Variants in CCR7 observed in about 807,000 individuals in gnomAD.
The protein encoded by CCR7 is C-C motif chemokine receptor 7.
CCR7 carries 11 observed loss-of-function variants against 26.0 expected under a neutral mutation model. That is an observed-to-expected ratio of 0.42 (90% confidence interval 0.27 to 0.70). The LOEUF is 0.70. Among genes scored for constraint, CCR7 ranks in the 30% least tolerant of loss-of-function variants. The probability of loss-of-function intolerance (pLI) is 0.23; values close to 1 mark genes in which losing one functional copy is unlikely to be tolerated. For synonymous variants in CCR7, 189 were observed against 202.1 expected (o/e 0.94, Z 0.55); for missense variants, 360 against 504.0 (o/e 0.71, Z 2.74).
At chr17:40,560,533 G>C (rs1268405752) in intron 1 of CCR7, 1 of 152,264 alleles carries the variant, frequency 6.6e-6, no homozygotes, top group Non-Finnish European at 1.5e-5. Flanking sequence ...CAGGGATTCT[G>C]GGCTTGGGAG....
chr17:40,560,283 G>C (rs1382540737), intron 1 of CCR7, among the ~76,000 whole-genome samples: 1 of 152,216 alleles, frequency 6.6e-6, no homozygotes, highest in African/African-American at 2.4e-5. Flanking sequence ...GTAGGGCCTG[G>C]CCCACTGGAG....
intron 1 of CCR7, chr17:40,561,144 G>T (rs2036651583): frequency 6.6e-6 from 1 of 152,248 alleles, no homozygotes; most frequent in Non-Finnish European, 1.5e-5. Context: ...GATCTGAGGA[G>T]CAAGAACTGT....
intron 1 of CCR7, among the ~76,000 whole-genome samples, chr17:40,563,805 T>C (rs1200841958): frequency 1.3e-5 from 2 of 152,068 alleles, no homozygotes; most frequent in Admixed American, 1.3e-4. Context: ...CTAAACCTAG[T>C]CTGGGGTAAG....
chr17:40,557,297 G>A (rs1008449168), intron 2 of CCR7, among the ~76,000 whole-genome samples: 1 of 152,232 alleles, frequency 6.6e-6, no homozygotes, highest in East Asian at 1.9e-4. Context: ...GCAGGGAGCT[G>A]GGCTGGAGGA....
chr17:40,561,367 T>C (rs2036653833), intron 1 of CCR7, among the ~76,000 whole-genome samples: 1 of 152,182 alleles, frequency 6.6e-6, no homozygotes, highest in Non-Finnish European at 1.5e-5. Context: ...GGAACTCTTG[T>C]ATGTGGCAAA....
chr17:40,564,926 A>G (rs1363671317), intron 1 of CCR7, among the ~76,000 whole-genome samples: 1 of 152,182 alleles, frequency 6.6e-6, no homozygotes. Flanking sequence ...CATGACCCCA[A>G]GTGGACAGGT....
rs368660693 is a variant in CCR7, at chr17:40,554,725, C to A, written c.*17G>T. 1.0e-4 allele frequency: 157 copies of A among 1,577,196 alleles called. 1 individual carries two copies. The highest frequency in any genetic ancestry group is 1.3e-4 in the Non-Finnish European group (147 of 1,158,294). ...GGACCCTGGGAGAGGTCCCTCTAGT[C>A]CAGGCAGAAGAGTCGCCTATGGGGA... On this transcript the variant is annotated 3_prime_UTR_variant, in exon 3 of 3. Coordinates refer to ENST00000246657, the MANE Select transcript of CCR7 (RefSeq NM_001838.4).
chr17:40,560,771 A>G (rs1405660764), intron 1 of CCR7: 1 of 152,114 alleles, frequency 6.6e-6, no homozygotes. Flanking sequence ...GTCCACTCAA[A>G]GAGGGCTTCC....
rs1597722416 is a variant in CCR7 at position 40,555,782 on chromosome 17, T to C, written c.97A>G (p.Ile33Val). The part of the protein sequence containing the change: ...LCQDEVTDDY[I>V]GDNTTVDYTL... ...TAGTCCACTGTGGTGTTGTCTCCGA[T>C]GTAATCGTCCGTGACCTCATCTTGA... The change falls in exon 3 of 3, where the codon ATC (isoleucine) becomes GTC (valine). Residue 33 changes from isoleucine (I) to valine (V), a missense_variant. By Grantham distance (29) the Ile-to-Val change is conservative. Coordinates refer to ENST00000246657, the MANE Select transcript of CCR7 (RefSeq NM_001838.4). This position sits in a 1 kb window ranked among gnomAD's most constrained non-coding sequence, Gnocchi z 5.6. The C allele has an allele frequency of 3.1e-6, 5 of 1,614,128 alleles. No individual in the cohort carries two copies. The highest frequency in any genetic ancestry group is 4.2e-6 in the Non-Finnish European group (5 of 1,179,996).
In CCR7 at chr17:40,555,043, T is replaced by A; in HGVS notation, c.836A>T (p.Tyr279Phe). 1 of 1,614,148 alleles carries A rather than the reference T, an allele frequency of 6.2e-7. No homozygotes were observed. Among genetic ancestry groups the A allele is most frequent in the East Asian group, 2.2e-5 (1 of 44,878 alleles). The change falls in exon 3 of 3, where the codon TAC becomes TTC. Residue 279 changes from tyrosine (Y) to phenylalanine (F), a missense_variant. Transcript: ENST00000246657. The surrounding 1 kb of genome is among the most constrained non-coding windows in gnomAD (Gnocchi z 5.6). ...VVVFIVFQLPYNGVVLAQTVA... is the reference protein window; with the variant it reads ...VVVFIVFQLPFNGVVLAQTVA... ...CGTCTGGGCCAGGACCACCCCATTG[T>A]AGGGCAGCTGGAAGACTATGAAGAC...
intron 2 of CCR7, among the ~76,000 whole-genome samples, chr17:40,556,147 T>C (rs2036585418): frequency 6.6e-6 from 1 of 152,012 alleles, no homozygotes; most frequent in South Asian, 2.1e-4. Flanking sequence ...CATCGTGAGG[T>C]CCGCATCATC....
Position 40,554,371 on chromosome 17 carries a change from G to T in CCR7, c.*371C>A, listed in dbSNP as rs567074162. On this transcript the variant is annotated 3_prime_UTR_variant, in exon 3 of 3. Transcript: ENST00000246657. Reference sequence around the variant, plus strand: ...ATTTGAGTCTGTGGGAGGCCAGAAGGTTCATTCAGAGGACTCTTCAGGCCA... The same window carrying T: ...ATTTGAGTCTGTGGGAGGCCAGAAGTTTCATTCAGAGGACTCTTCAGGCCA... The T allele has an allele frequency of 1.4e-4, 27 of 195,284 alleles. No homozygotes were observed. Among genetic ancestry groups the T allele is most frequent in the Admixed American group, 2.7e-4 (5 of 18,638 alleles). 12.1% of individuals were successfully genotyped at this position (195,284 alleles called of 1,614,324 possible). A position where few individuals can be genotyped will look rare whatever the true frequency, so the allele number is the denominator to read the frequency against.
rs369773173 is a variant in CCR7, at chr17:40,555,725, C to A, written c.154G>T (p.Asp52Tyr). 6.2e-7 allele frequency: 1 copy of A among 1,614,144 alleles called. No individual in the cohort carries two copies. The highest frequency in any genetic ancestry group is 1.1e-5 in the South Asian group (1 of 91,072). The change falls in exon 3 of 3, where the codon GAC (aspartate) becomes TAC (tyrosine). Residue 52 changes from aspartate (D) to tyrosine (Y), a missense_variant. Asp to Tyr is a radical substitution (Grantham distance 160, BLOSUM62 -3). Transcript: ENST00000246657. This position sits in a 1 kb window ranked among gnomAD's most constrained non-coding sequence, Gnocchi z 5.6. ...AACCAGGCTTTAAAGTTCCGCACGT[C>A]CTTCTTGGAGCACAAAGACTCGAAC... ...TLFESLCSKKDVRNFKAWFLP... is the reference protein window; with the variant it reads ...TLFESLCSKKYVRNFKAWFLP...
Sources: gnomAD v4.1 joint callset for allele counts (sites outside exome capture counted in the v4.1 genomes callset) on GRCh38, gnomAD v4.1.1 for gene constraint, Gnocchi (gnomAD v3.1) non-coding constraint, MANE v1.5 for transcripts, NCBI Gene and HGNC (gene_info 2026-07-23, HGNC 2026-07-21) for gene names.